Variants in NDUFC1 observed in about 807,000 individuals in gnomAD.
NDUFC1 encodes NADH dehydrogenase [ubiquinone] 1 subunit C1, mitochondrial.
A neutral mutation model predicts 11.6 loss-of-function variants in NDUFC1; 11 were observed. The ratio of observed to expected loss-of-function variants is 0.95; its 90% CI spans 0.60 to 1.58. The LOEUF is 1.58. Ranked by LOEUF, NDUFC1 falls within the 40% of genes most tolerant of loss-of-function variation. The pLI is 0.00. For synonymous variants in NDUFC1, 52 were observed against 42.2 expected (o/e 1.23, Z -0.90); for missense variants, 112 against 93.0 (o/e 1.20, Z -0.84).
intron 1 of NDUFC1, among the ~76,000 whole-genome samples, chr4:139,299,615 T>G (rs892416535): frequency 6.6e-6 from 1 of 152,184 alleles, no homozygotes; most frequent in African/African-American, 2.4e-5. Flanking sequence ...AGAGTAAATA[T>G]ATATTTTTTT....
chr4:139,292,587 T>C lies in NDUFC1; in HGVS notation c.194A>G (p.Asp65Gly), dbSNP rs1182935753. 1 of 1,568,386 alleles carries C rather than the reference T, an allele frequency of 6.4e-7. No individual in the cohort carries two copies. The highest frequency in any genetic ancestry group is 1.7e-5 in the Admixed American group (1 of 57,830). ...ATTTCTTCTTTTGTACTCTAAAATA[T>C]CTTCATTGTGTTGTTTGATGAGCTA... Reference protein sequence around the residue: ...WIYLIKQHNEDILEYKRRNGL... With the variant: ...WIYLIKQHNEGILEYKRRNGL... The change falls in exon 5 of 6, where the codon GAT (aspartate) becomes GGT (glycine). Residue 65 changes from aspartate to glycine, a missense_variant. By Grantham distance (94) the Asp-to-Gly change is moderately conservative. Coordinates refer to ENST00000394223, the MANE Select transcript of NDUFC1 (RefSeq NM_001184989.2).
In NDUFC1 at chr4:139,292,566, C is replaced by G. The variant is rs770376990; in HGVS notation, c.215G>C (p.Arg72Thr). The change falls in exon 5 of 6, where the codon AGA becomes ACA. Residue 72 changes from arginine (R) to threonine (T), a missense_variant. Transcript: ENST00000394223. ...TTCAAAAGTTTATTCCAGCCCATTT[C>G]TTCTTTTGTACTCTAAAATATCTTC... ...HNEDILEYKR[R>T]NGLE 1 of 1,564,532 alleles carries G rather than the reference C, an allele frequency of 6.4e-7. No individual in the cohort carries two copies.
chr4:139,291,774 A>C (rs527834554), intron 5 of NDUFC1, among the ~76,000 whole-genome samples: 1 of 152,320 alleles, frequency 6.6e-6, no homozygotes, highest in East Asian at 1.9e-4. Context: ...AATTTGTCAT[A>C]AGTGCTATGA....
intron 1 of NDUFC1, among the ~76,000 whole-genome samples, chr4:139,300,192 G>A (rs1389353785): frequency 6.6e-6 from 1 of 152,116 alleles, no homozygotes; most frequent in Non-Finnish European, 1.5e-5. Context: ...CTGTATATAT[G>A]ATTTTTCTCA....
At chr4:139,292,389 T>C (rs1745266060) in intron 5 of NDUFC1, 141 bp downstream of exon 5, 1 of 364,156 alleles carries the variant, frequency 2.7e-6, no homozygotes, top group Admixed American at 4.8e-5. Context: ...TACAAATTTA[T>C]AAATTTGTCA....
intron 1 of NDUFC1, chr4:139,301,710 C>T: frequency 2.0e-6 from 3 of 1,507,314 alleles, no homozygotes; most frequent in Non-Finnish European, 2.7e-6. Context: ...GGAACGGCAG[C>T]GGCGGCGGTC....
At chr4:139,290,216 C>A (rs1286750958) in intron 5 of NDUFC1, 124 bp from the exon 6 acceptor site, 4 of 151,766 alleles carry the variant, frequency 2.6e-5, no homozygotes, top group African/African-American at 7.3e-5. Context: ...AGTACCAATA[C>A]CTTATTTTAT....
intron 1 of NDUFC1, chr4:139,301,883 G>T (rs776320109): frequency 6.5e-7 from 1 of 1,544,622 alleles, no homozygotes; most frequent in East Asian, 2.5e-5. Flanking sequence ...CGGTAACCGG[G>T]CCTGTCACCC....
At chr4:139,301,566 G>A (rs1417515132) in intron 1 of NDUFC1, 6 of 591,084 alleles carry the variant, frequency 1.0e-5, no homozygotes, top group Middle Eastern at 4.6e-4. Flanking sequence ...CGTAGTGGGG[G>A]AGGCGGCGGC....
At chr4:139,300,712 T>C (rs1351251877) in intron 1 of NDUFC1, 1 of 152,176 alleles carries the variant, frequency 6.6e-6, no homozygotes, top group Non-Finnish European at 1.5e-5. Flanking sequence ...TTTCTGGGGA[T>C]GGGGAGTTCG....
chr4:139,294,392 A>G lies in NDUFC1; in HGVS notation c.171+651T>C, dbSNP rs915858269. Among the ~76,000 whole-genome samples the G allele has an allele frequency of 2.7e-4, 41 of 152,230 alleles. 1 individual carries two copies. Among genetic ancestry groups the G allele is most frequent in the African/African-American group, 8.9e-4 (37 of 41,548 alleles). On this transcript the variant is annotated intron_variant, in intron 4 of 5. Coordinates refer to ENST00000394223, the MANE Select transcript of NDUFC1 (RefSeq NM_001184989.2). ...GGTTTGTCCTTACAGCATCTGAAAA[A>G]GGTACCTTCATAAAACTCCAATTAG...
intron 5 of NDUFC1, among the ~76,000 whole-genome samples, chr4:139,291,152 T>C (rs1026125170): frequency 5.9e-5 from 9 of 151,572 alleles, no homozygotes; most frequent in African/African-American, 1.9e-4. Context: ...ATAAACTTTC[T>C]CTTTTAAATC....
intron 2 of NDUFC1, among the ~76,000 whole-genome samples, chr4:139,296,875 T>C (rs1343600032): frequency 6.6e-6 from 1 of 152,254 alleles, no homozygotes; most frequent in Non-Finnish European, 1.5e-5. Context: ...AAATAAATGT[T>C]AGCAAATCTC....
At chr4:139,298,046 G>A (rs1322028579) in intron 1 of NDUFC1, among the ~76,000 whole-genome samples, 2 of 151,814 alleles carry the variant, frequency 1.3e-5, no homozygotes, top group Non-Finnish European at 2.9e-5. Flanking sequence ...TCCAGCCTCG[G>A]TGACACAGTG....
intron 5 of NDUFC1, among the ~76,000 whole-genome samples, chr4:139,290,716 CATATAT>C (rs376295863): frequency 6.9e-6 from 1 of 145,798 alleles, no homozygotes; most frequent in East Asian, 2.0e-4. Context: ...AGAAATACAC[CATATAT>C]ATATATATAT....
At chr4:139,299,506 C>T (rs975952693) in intron 1 of NDUFC1, among the ~76,000 whole-genome samples, 7 of 152,230 alleles carry the variant, frequency 4.6e-5, no homozygotes, top group African/African-American at 1.2e-4. Flanking sequence ...GCAGCAGCAG[C>T]GGCAGCATAT....
chr4:139,294,982 GT>G (rs1243101680), intron 4 of NDUFC1, 60 bp downstream of exon 4: 1 of 1,266,610 alleles, frequency 7.9e-7, no homozygotes, highest in Non-Finnish European at 1.2e-6. Flanking sequence ...ATCTCGCAAT[GT>G]TATGTCATTC....
At position 139,295,787 on chromosome 4, in the gene NDUFC1, G is replaced by A; in HGVS notation, c.12C>T (p.Ser4=). The change falls in exon 3 of 6, where the codon TCC becomes TCT. Residue 4 remains serine (S), a synonymous_variant. Transcript: ENST00000394223. ...GCCGGGAAAGGGGACGCAGCAAGGC[G>A]GACGGCGCCATCTTGCGTGGCCCAG... is the stretch of plus-strand genomic sequence containing the variant. MAP[S]ALLRPLSRLL... The A allele has an allele frequency of 6.5e-7, 1 of 1,546,512 alleles. No homozygotes were observed. The highest frequency in any genetic ancestry group is 8.7e-7 in the Non-Finnish European group (1 of 1,146,794).
Position 139,294,928 on chromosome 4 carries a change from T to C in NDUFC1, c.171+115A>G, listed in dbSNP as rs548816130. 1.4e-5 allele frequency: 10 copies of C among 710,444 alleles called. No homozygotes were observed. In the East Asian group the frequency reaches 2.7e-4, roughly 19 times the overall value. The allele number at this position is 710,444 out of a possible 1,614,324, so 44.0% of individuals were successfully genotyped here. A position where few individuals can be genotyped will look rare whatever the true frequency, so the allele number is the denominator to read the frequency against. On this transcript the variant is annotated intron_variant, in intron 4 of 5. Transcript: ENST00000394223. Reference sequence around the variant, plus strand: ...CAGCGATTATATAAATATCCTACTGTTATGAGAGTTTCACTGCCATACAAC... The same window carrying C: ...CAGCGATTATATAAATATCCTACTGCTATGAGAGTTTCACTGCCATACAAC...
Sources: gnomAD v4.1 joint callset for allele counts (sites outside exome capture counted in the v4.1 genomes callset) on GRCh38, gnomAD v4.1.1 for gene constraint, MANE v1.5 for transcripts, NCBI Gene and HGNC (gene_info 2026-07-23, HGNC 2026-07-21) for gene names.